Variants in GRM1 observed in about 807,000 individuals in gnomAD.
GRM1 encodes the protein metabotropic glutamate receptor 1.
A neutral mutation model predicts 90.9 loss-of-function variants in GRM1; 33 were observed. The ratio of observed to expected loss-of-function variants is 0.36; its 90% CI spans 0.28 to 0.49. GRM1 has a LOEUF of 0.49. Among genes scored for constraint, GRM1 ranks in the 20% least tolerant of loss-of-function variants. GRM1 has a pLI of 0.99. For missense variants in GRM1, 1,190 were observed against 1,534.3 expected (o/e 0.78, Z 3.75); for synonymous variants, 700 against 613.2 (o/e 1.14, Z -2.09).
At position 146,181,878 on chromosome 6, in the gene GRM1, A is replaced by C. The variant is rs1778564661; in HGVS notation, c.950+22281A>C. On this transcript the variant is annotated intron_variant, in intron 2 of 7. Transcript: ENST00000282753. ...TCAATAAGATTTATTAATTATAAGC[A>C]GGATGAAAGCAATATAGTTAATAAG... 2.0e-5 allele frequency among the ~76,000 whole-genome samples: 3 copies of C among 152,154 alleles called. No homozygotes were observed. In the South Asian group the frequency reaches 6.2e-4, roughly 32 times the overall value.
intron 1 of GRM1, among the ~76,000 whole-genome samples, chr6:146,038,593 T>C (rs1321070250): frequency 6.6e-6 from 1 of 151,854 alleles, no homozygotes; most frequent in Non-Finnish European, 1.5e-5. Flanking sequence ...GATGTGAAAA[T>C]AAAGAGGGAA....
At chr6:146,059,362 T>C (rs1775587374) in intron 1 of GRM1, among the ~76,000 whole-genome samples, 1 of 152,074 alleles carries the variant, frequency 6.6e-6, no homozygotes, top group South Asian at 2.1e-4. Flanking sequence ...TTGAAAGGAA[T>C]CTTCTCTTTT....
At chr6:146,274,294 A>T (rs982451882) in intron 2 of GRM1, among the ~76,000 whole-genome samples, 20 of 152,224 alleles carry the variant, frequency 1.3e-4, no homozygotes, top group Non-Finnish European at 2.8e-4. Context: ...ATTTTTAAAA[A>T]CTTGCATAAT....
Position 146,280,453 on chromosome 6 carries a change from A to T in GRM1, c.951-24158A>T, listed in dbSNP as rs146500983. ...GGAATCTCAGTGTTTCTAGTTTGCT[A>T]ATATAACCTAGTTGTAAGGGGCACA... On this transcript the variant is annotated intron_variant, in intron 2 of 7. Transcript: ENST00000282753. Among the ~76,000 whole-genome samples the T allele has an allele frequency of 2.1e-4, 32 of 152,288 alleles. 1 individual carries two copies. Among genetic ancestry groups the T allele is most frequent in the Non-Finnish European group, 3.4e-4 (23 of 68,022 alleles).
chr6:146,272,701 T>C (rs1050849543), intron 2 of GRM1, among the ~76,000 whole-genome samples: 2 of 152,168 alleles, frequency 1.3e-5, no homozygotes, highest in African/African-American at 4.8e-5. Flanking sequence ...GAGGCTTGTG[T>C]GAAAAGGTTG....
At chr6:146,099,281 G>T (rs1446867725) in intron 1 of GRM1, among the ~76,000 whole-genome samples, 5 of 152,154 alleles carry the variant, frequency 3.3e-5, no homozygotes, top group African/African-American at 1.2e-4. Context: ...CAGCTACTCA[G>T]GAGGCTGAGC....
At position 146,128,349 on chromosome 6, in the gene GRM1, T is replaced by G. The variant is rs572010261; in HGVS notation, c.701-30999T>G. 1.6e-4 allele frequency among the ~76,000 whole-genome samples: 25 copies of G among 152,320 alleles called. No homozygotes were observed. The South Asian group carries it at 4.3e-3, about 27-fold the overall frequency. On this transcript the variant is annotated intron_variant, in intron 1 of 7. Coordinates refer to ENST00000282753, the MANE Select transcript of GRM1 (RefSeq NM_001278064.2). ...ATATGTTTATCAAGAGCATTTAATA[T>G]GTATCAAGCGCTAAGAGATTTACAT...
chr6:146,248,061 G>A (rs1252046003), intron 2 of GRM1, among the ~76,000 whole-genome samples: 1 of 151,702 alleles, frequency 6.6e-6, no homozygotes, highest in Non-Finnish European at 1.5e-5. Context: ...GCTCTGTTCT[G>A]GGGGAAATAC....
At chr6:146,271,860 T>A (rs1485325216) in intron 2 of GRM1, among the ~76,000 whole-genome samples, 1 of 152,214 alleles carries the variant, frequency 6.6e-6, no homozygotes, top group African/African-American at 2.4e-5. Flanking sequence ...TCTTCAATGG[T>A]CAGATCAAAC....
At chr6:146,125,535 T>A (rs1776166542) in intron 1 of GRM1, among the ~76,000 whole-genome samples, 1 of 152,032 alleles carries the variant, frequency 6.6e-6, no homozygotes, top group Non-Finnish European at 1.5e-5. Flanking sequence ...CTCCCATTAT[T>A]TTTTATTTCT....
At chr6:146,049,766 T>C (rs964260717) in intron 1 of GRM1, among the ~76,000 whole-genome samples, 2 of 151,804 alleles carry the variant, frequency 1.3e-5, no homozygotes, top group Non-Finnish European at 2.9e-5. Context: ...TATTAAAAAA[T>C]AACAACGATG....
intron 2 of GRM1, among the ~76,000 whole-genome samples, chr6:146,281,593 C>T (rs1212630301): frequency 6.6e-6 from 1 of 152,040 alleles, no homozygotes; most frequent in Non-Finnish European, 1.5e-5. Context: ...TTTCTGGAGG[C>T]TATATTCATT....
intron 2 of GRM1, among the ~76,000 whole-genome samples, chr6:146,286,730 T>C (rs1782778332): frequency 6.6e-6 from 1 of 152,210 alleles, no homozygotes; most frequent in African/African-American, 2.4e-5. Context: ...AGATCCACTT[T>C]TAAAAACCTG....
intron 2 of GRM1, among the ~76,000 whole-genome samples, chr6:146,299,784 C>T (rs1345840531): frequency 6.6e-6 from 1 of 152,132 alleles, no homozygotes; most frequent in Non-Finnish European, 1.5e-5. Flanking sequence ...ACCCTGGCCT[C>T]CCTAGCTTTG....
chr6:146,282,794 C>G (rs1444159768), intron 2 of GRM1, among the ~76,000 whole-genome samples: 1 of 152,118 alleles, frequency 6.6e-6, no homozygotes, highest in Non-Finnish European at 1.5e-5. Context: ...TGAATCATTT[C>G]AAACTTAAGT....
intron 2 of GRM1, among the ~76,000 whole-genome samples, chr6:146,234,883 C>T (rs1780582647): frequency 6.6e-6 from 1 of 152,072 alleles, no homozygotes; most frequent in African/African-American, 2.4e-5. Flanking sequence ...GCTGAGACTA[C>T]AAGCATGGGC....
intron 2 of GRM1, among the ~76,000 whole-genome samples, chr6:146,207,132 A>G (rs1461835218): frequency 6.6e-6 from 1 of 152,156 alleles, no homozygotes. Flanking sequence ...ATGTGTCTTT[A>G]TGGCAGAATG....
intron 2 of GRM1, among the ~76,000 whole-genome samples, chr6:146,205,226 G>T (rs1301868253): frequency 6.6e-6 from 1 of 152,044 alleles, no homozygotes; most frequent in Non-Finnish European, 1.5e-5. Flanking sequence ...TTGAGTTATG[G>T]TCCCTTTTTC....
At position 146,181,841 on chromosome 6, in the gene GRM1, A is replaced by C. The variant is rs1219264635; in HGVS notation, c.950+22244A>C. Among the ~76,000 whole-genome samples the C allele has an allele frequency of 3.3e-5, 5 of 152,186 alleles. No individual in the cohort carries two copies. In the East Asian group the frequency reaches 9.6e-4, roughly 29 times the overall value. On this transcript the variant is annotated intron_variant, in intron 2 of 7. Transcript: ENST00000282753. ...GAATGATTAACAATGAAAATCAATT[A>C]GTAATCATTTTTCAATAAGATTTAT...
Sources: gnomAD v4.1 joint callset for allele counts (sites outside exome capture counted in the v4.1 genomes callset) on GRCh38, gnomAD v4.1.1 for gene constraint, MANE v1.5 for transcripts, NCBI Gene and HGNC (gene_info 2026-07-23, HGNC 2026-07-21) for gene names.